Variants in GRID2IP observed in about 807,000 individuals in gnomAD.
GRID2IP encodes the protein delphilin.
In GRID2IP, 78 loss-of-function variants were observed where a neutral mutation model predicts 114.3. The observed-to-expected ratio is 0.68, with a 90% CI of 0.57 to 0.82. GRID2IP has a LOEUF of 0.82. Ranked by LOEUF, GRID2IP falls within the 40% of genes least tolerant of loss-of-function variation. The probability of loss-of-function intolerance (pLI) is 0.00; values close to 1 mark genes in which losing one functional copy is unlikely to be tolerated. For synonymous variants in GRID2IP, 809 were observed against 724.0 expected (o/e 1.12, Z -1.89); for missense variants, 1,727 against 1,678.5 (o/e 1.03, Z -0.51).
rs2115083109 is a variant in GRID2IP at position 6,528,821 on chromosome 7, A to G, written c.585-2052T>C. ...GTCCGGGGGGTAACCAGGAACCAGG[A>G]TGAATGTCCTGCTCACCTCTGCCCG... On this transcript the variant is annotated intron_variant, in intron 2 of 21. Transcript: ENST00000457091. This position sits in a 1 kb window ranked among gnomAD's most constrained non-coding sequence, Gnocchi z 6.0. 6.6e-6 allele frequency among the ~76,000 whole-genome samples: 1 copy of G among 152,194 alleles called. No individual in the cohort carries two copies. Among genetic ancestry groups the G allele is most frequent in the South Asian group, 2.1e-4 (1 of 4,814 alleles).
chr7:6,500,162 A>G (rs1786371129), intron 20 of GRID2IP, among the ~76,000 whole-genome samples: 2 of 151,778 alleles, frequency 1.3e-5, no homozygotes, highest in African/African-American at 4.8e-5. Flanking sequence ...CAGTTTTCAC[A>G]TCTGCAAAAC....
rs529122831 is a variant in GRID2IP, at chr7:6,537,580, A to G, written c.584+2138T>C. Among the ~76,000 whole-genome samples the G allele has an allele frequency of 2.7e-3, 399 of 149,480 alleles. 2 individuals are homozygous for G. The highest frequency in any genetic ancestry group is 9.6e-3 in the African/African-American group (392 of 40,684). ...TTTTAGTAGAGATGGGGGTTTCACT[A>G]TGTTGGCCAGGCTAGTCTCGAACTC... On this transcript the variant is annotated intron_variant, in intron 2 of 21. Transcript: ENST00000457091.
chr7:6,503,679 A>C lies in GRID2IP; in HGVS notation c.2719T>G (p.Leu907Val). Residue 907 changes from leucine (L) to valine (V), a missense_variant, in exon 16 of 22, where the codon TTG (leucine) becomes GTG (valine). By Grantham distance (32) the Leu-to-Val change is conservative. Coordinates refer to ENST00000457091, the MANE Select transcript of GRID2IP (RefSeq NM_001145118.2). Reference protein sequence around the residue: ...HKKAYNTSILLAHLKLSPAEL... With the variant: ...HKKAYNTSILVAHLKLSPAEL... ...GCGGGGCTCAGCTTCAGGTGTGCCA[A>C]GAGGATGGCTGCGGGCGGGGCGGGG... The C allele has an allele frequency of 6.8e-7, 1 of 1,472,614 alleles. No individual in the cohort carries two copies. The highest frequency in any genetic ancestry group is 9.0e-7 in the Non-Finnish European group (1 of 1,114,866). The allele number at this position is 1,472,614 out of a possible 1,614,324, so 91.2% of individuals were successfully genotyped here.
intron 2 of GRID2IP, among the ~76,000 whole-genome samples, chr7:6,537,307 G>C (rs1284590201): frequency 6.6e-6 from 1 of 151,120 alleles, no homozygotes; most frequent in Non-Finnish European, 1.5e-5. Flanking sequence ...ATTTTGGGAG[G>C]CTGAGGCGGG....
intron 1 of GRID2IP, among the ~76,000 whole-genome samples, chr7:6,540,387 C>T (rs894651228): frequency 3.9e-5 from 6 of 152,158 alleles, no homozygotes; most frequent in Non-Finnish European, 5.9e-5. Flanking sequence ...GCTGGGATTA[C>T]AAGCGTGAGC....
Position 6,514,363 on chromosome 7 carries a change from G to A in GRID2IP, c.1423+12C>T. On this transcript the variant is annotated intron_variant, in intron 8 of 21. Transcript: ENST00000457091. Reference sequence around the variant, plus strand: ...CTGCAGGCAGGGAAGTGGCAGGGGAGAGGACGCTTACCTGTCATGGCCGTG... The same window carrying A: ...CTGCAGGCAGGGAAGTGGCAGGGGAAAGGACGCTTACCTGTCATGGCCGTG... The A allele has an allele frequency of 6.7e-7, 1 of 1,493,830 alleles. No homozygotes were observed. Among genetic ancestry groups the A allele is most frequent in the South Asian group, 1.3e-5 (1 of 77,394 alleles). 92.5% of individuals were successfully genotyped at this position (1,493,830 alleles called of 1,614,324 possible).
intron 7 of GRID2IP, among the ~76,000 whole-genome samples, chr7:6,515,590 C>A (rs1779279737): frequency 6.6e-6 from 1 of 151,790 alleles, no homozygotes; most frequent in African/African-American, 2.4e-5. Context: ...TCAGCTTAGC[C>A]AACATGGTAA....
chr7:6,544,641 C>G (rs1445242148), intron 1 of GRID2IP, among the ~76,000 whole-genome samples: 1 of 152,126 alleles, frequency 6.6e-6, no homozygotes, highest in Non-Finnish European at 1.5e-5. Flanking sequence ...GTTCAAGTCT[C>G]TCTCAGGCTA....
rs925826729 is a variant in GRID2IP, at chr7:6,523,178, AAT to A, written c.920-1223_920-1222del. Among the ~76,000 whole-genome samples, 2 of 152,164 alleles carry A rather than the reference AAT, an allele frequency of 1.3e-5. No individual in the cohort carries two copies. The highest frequency in any genetic ancestry group is 2.9e-5 in the Non-Finnish European group (2 of 68,026). ...GGGAAAATGATCAATGGCTAAATAA[AAT>A]ATACTCTCAGATTGCGAGAAGTTCT... On this transcript the variant is annotated intron_variant, in intron 4 of 21. Coordinates refer to ENST00000457091, the MANE Select transcript of GRID2IP (RefSeq NM_001145118.2). The surrounding 1 kb of genome is among the most constrained non-coding windows in gnomAD (Gnocchi z 4.5).
At chr7:6,500,028 G>A (rs377187713) in intron 20 of GRID2IP, among the ~76,000 whole-genome samples, 3 of 152,020 alleles carry the variant, frequency 2.0e-5, no homozygotes, top group South Asian at 2.1e-4. Context: ...ACTGCACCTG[G>A]CCCAGAGGCT....
intron 4 of GRID2IP, among the ~76,000 whole-genome samples, chr7:6,524,415 A>G (rs1261353474): frequency 6.6e-6 from 1 of 152,188 alleles, no homozygotes; most frequent in Admixed American, 6.5e-5. Flanking sequence ...GCAGATGGTT[A>G]CAGGGAGGGA....
At chr7:6,527,597 C>G (rs1427940710) in intron 2 of GRID2IP, among the ~76,000 whole-genome samples, 1 of 152,146 alleles carries the variant, frequency 6.6e-6, no homozygotes, top group Admixed American at 6.6e-5. Flanking sequence ...CTGTCTCTCT[C>G]GTTCTCTTGA....
intron 7 of GRID2IP, among the ~76,000 whole-genome samples, chr7:6,518,314 G>A (rs1779350069): frequency 6.6e-6 from 1 of 151,818 alleles, no homozygotes; most frequent in South Asian, 2.1e-4. Flanking sequence ...ATGGACAAAG[G>A]GTATGAACAG....
At position 6,532,796 on chromosome 7, in the gene GRID2IP, G is replaced by A. The variant is rs1249627342; in HGVS notation, c.585-6027C>T. On this transcript the variant is annotated intron_variant, in intron 2 of 21. Transcript: ENST00000457091. The surrounding 1 kb of genome is among the most constrained non-coding windows in gnomAD (Gnocchi z 4.4). ...GGCTCTGAAAACCATCCACCGTGCT[G>A]TGAGCACAGGAGATGCAACCAGGGA... is the stretch of plus-strand genomic sequence containing the variant. 2.0e-5 allele frequency among the ~76,000 whole-genome samples: 3 copies of A among 152,216 alleles called. No individual in the cohort carries two copies. The highest frequency in any genetic ancestry group is 1.5e-5 in the Non-Finnish European group (1 of 68,046).
chr7:6,508,455 G>C lies in GRID2IP; in HGVS notation c.2128-54C>G. The C allele has an allele frequency of 6.5e-7, 1 of 1,548,104 alleles. No homozygotes were observed. The highest frequency in any genetic ancestry group is 8.7e-7 in the Non-Finnish European group (1 of 1,146,074). On this transcript the variant is annotated intron_variant, in intron 12 of 21. Transcript: ENST00000457091. The surrounding 1 kb of genome is among the most constrained non-coding windows in gnomAD (Gnocchi z 5.6). ...GGTGAGGCTGGGCCCAGAGAGACTA[G>C]AGCAGGTGCAAAGTGAAGGATCATG...
At chr7:6,529,410 C>T (rs569710364) in intron 2 of GRID2IP, among the ~76,000 whole-genome samples, 41 of 152,070 alleles carry the variant, frequency 2.7e-4, no homozygotes, top group Non-Finnish European at 5.6e-4. Context: ...GAGATTGTAC[C>T]ACTGCACTCC....
At position 6,526,548 on chromosome 7, in the gene GRID2IP, C is replaced by T. The variant is rs1490066515; in HGVS notation, c.806G>A (p.Gly269Asp). ...PPRRASLLVG[G>D]LAGPGGARRT... ...GCGCGCGCCCCCGGGGCCGGCGAGG[C>T]CGCCCACCAGCAAGGAGGCCCTGCG... is the stretch of plus-strand genomic sequence containing the variant. The change falls in exon 3 of 22, where the codon GGC becomes GAC. Residue 269 changes from glycine to aspartate, a missense_variant. By Grantham distance (94) the Gly-to-Asp change is moderately conservative. Transcript: ENST00000457091. The surrounding 1 kb of genome is among the most constrained non-coding windows in gnomAD (Gnocchi z 7.6). 7 of 1,222,028 alleles carry T rather than the reference C, an allele frequency of 5.7e-6. No individual in the cohort carries two copies. Among genetic ancestry groups the T allele is most frequent in the Non-Finnish European group, 5.1e-6 (5 of 981,778 alleles). 75.7% of individuals were successfully genotyped at this position (1,222,028 alleles called of 1,614,324 possible).
At chr7:6,550,182 G>T (rs565509274) in intron 1 of GRID2IP, among the ~76,000 whole-genome samples, 35 of 151,692 alleles carry the variant, frequency 2.3e-4, no homozygotes, top group African/African-American at 5.3e-4. Flanking sequence ...TTGTAGAGAT[G>T]GTGTCTCATT....
intron 1 of GRID2IP, among the ~76,000 whole-genome samples, chr7:6,540,422 A>G (rs1455605101): frequency 6.6e-6 from 1 of 151,870 alleles, no homozygotes; most frequent in Non-Finnish European, 1.5e-5. Flanking sequence ...ATATCATGCC[A>G]TTTCTAACCA....
Sources: gnomAD v4.1 joint callset for allele counts (sites outside exome capture counted in the v4.1 genomes callset) on GRCh38, gnomAD v4.1.1 for gene constraint, Gnocchi (gnomAD v3.1) non-coding constraint, MANE v1.5 for transcripts, NCBI Gene and HGNC (gene_info 2026-07-23, HGNC 2026-07-21) for gene names.